Variants in KLF8 observed in about 807,000 individuals in gnomAD.
The protein encoded by KLF8 is KLF transcription factor 8, also known as Krueppel-like factor 8.
Under a neutral mutation model 18.2 loss-of-function variants are expected in KLF8, and 10 were observed. The ratio of observed to expected loss-of-function variants is 0.55; its 90% confidence interval spans 0.34 to 0.93. The LOEUF (loss-of-function observed/expected upper bound fraction) is 0.93, where lower values mean the gene tolerates loss of function less well. KLF8 is among the 40% of genes least tolerant of loss of function. KLF8 has a pLI of 0.02. For synonymous variants in KLF8, 109 were observed against 97.3 expected (o/e 1.12, Z -0.71); for missense variants, 264 against 277.9 (o/e 0.95, Z 0.36).
At chrX:56,247,915 TTTG>T (rs1438914561) in intron 1 of KLF8, among the ~76,000 whole-genome samples, 2 of 111,352 alleles carry the variant, frequency 1.8e-5, no homozygotes, top group African/African-American at 3.3e-5. Flanking sequence ...AACATAGTCA[TTTG>T]TTATCATTGT....
chrX:55,938,238 G>T, the KLF8 span, among the ~76,000 whole-genome samples: 8 of 111,742 alleles, frequency 7.2e-5, no homozygotes, highest in African/African-American at 2.6e-4. Flanking sequence ...TTAAAGAAAA[G>T]AATTTTCAAC....
chrX:56,171,107 T>C, the KLF8 span, among the ~76,000 whole-genome samples: 1 of 111,818 alleles, frequency 8.9e-6, no homozygotes, highest in Non-Finnish European at 1.9e-5. Context: ...AGTAAGTCTG[T>C]AGAAAAACAG....
the KLF8 span, among the ~76,000 whole-genome samples, chrX:56,214,324 C>G: frequency 8.9e-6 from 1 of 112,315 alleles, no homozygotes; most frequent in Admixed American, 9.4e-5. Context: ...AATTTCTCTG[C>G]CTCCTGTCCC....
chrX:56,044,198 C>T, the KLF8 span, among the ~76,000 whole-genome samples: 5 of 91,413 alleles, frequency 5.5e-5, no homozygotes, highest in African/African-American at 1.2e-4. Context: ...TTCATCCCAG[C>T]GGGGTACTGA....
At chrX:55,931,336 AT>A in the KLF8 span, among the ~76,000 whole-genome samples, 5 of 111,493 alleles carry the variant, frequency 4.5e-5, no homozygotes, top group East Asian at 2.8e-4. Flanking sequence ...GAATTCATTC[AT>A]TTTTTTGAAG....
At chrX:55,931,374 G>A in the KLF8 span, among the ~76,000 whole-genome samples, 1 of 111,059 alleles carries the variant, frequency 9.0e-6, no homozygotes, top group African/African-American at 3.3e-5. Flanking sequence ...ATCTCTTTCA[G>A]TTCTGCTCTG....
chrX:56,094,726 T>C, the KLF8 span, among the ~76,000 whole-genome samples: 1 of 111,454 alleles, frequency 9.0e-6, no homozygotes, highest in African/African-American at 3.3e-5. Flanking sequence ...TTAACAAATT[T>C]AAAACAGTAA....
the KLF8 span, among the ~76,000 whole-genome samples, chrX:56,013,114 C>A: frequency 8.9e-6 from 1 of 112,659 alleles, no homozygotes; most frequent in African/African-American, 3.2e-5. Context: ...GAAAGGATTC[C>A]TGCCCAAGGC....
chrX:56,056,335 G>T, the KLF8 span, among the ~76,000 whole-genome samples: 3 of 110,281 alleles, frequency 2.7e-5, no homozygotes, highest in Non-Finnish European at 5.7e-5. Flanking sequence ...GATTTTAGGG[G>T]AACAACACTC....
the KLF8 span, among the ~76,000 whole-genome samples, chrX:56,070,760 C>A: frequency 3.6e-5 from 4 of 112,316 alleles, no homozygotes; most frequent in Admixed American, 3.8e-4. Context: ...ACGTTCTGCA[C>A]ATGTATCTTG....
chrX:56,095,357 C>T, the KLF8 span, among the ~76,000 whole-genome samples: 4 of 112,492 alleles, frequency 3.6e-5, no homozygotes, highest in Non-Finnish European at 7.5e-5. Flanking sequence ...AGACTCAAAA[C>T]TATAAGAACA....
the KLF8 span, among the ~76,000 whole-genome samples, chrX:56,135,234 A>G: frequency 2.7e-5 from 3 of 111,629 alleles, no homozygotes; most frequent in Non-Finnish European, 1.9e-5. Flanking sequence ...TCATGCTGCT[A>G]TAAAGACACA....
At chrX:56,125,196 T>G in the KLF8 span, among the ~76,000 whole-genome samples, 2 of 111,984 alleles carry the variant, frequency 1.8e-5, no homozygotes, top group African/African-American at 6.5e-5. Flanking sequence ...TCTTTTTCTT[T>G]CACTCCTCCA....
At chrX:56,161,694 T>C in the KLF8 span, among the ~76,000 whole-genome samples, 2 of 111,664 alleles carry the variant, frequency 1.8e-5, no homozygotes, top group Admixed American at 1.9e-4. Flanking sequence ...GGTTTTTGAC[T>C]TCTTCACGCC....
chrX:56,191,439 G>A, the KLF8 span, among the ~76,000 whole-genome samples: 4 of 111,754 alleles, frequency 3.6e-5, no homozygotes, highest in Admixed American at 1.9e-4. Context: ...AGATGAGGGA[G>A]TACTTCCAAA....
At chrX:56,246,187 T>C (rs1602418851) in intron 1 of KLF8, among the ~76,000 whole-genome samples, 1 of 111,828 alleles carries the variant, frequency 8.9e-6, no homozygotes, top group East Asian at 2.8e-4. Flanking sequence ...AGAAGTATTT[T>C]TCAGGCTCCT....
the KLF8 span, among the ~76,000 whole-genome samples, chrX:56,092,919 A>G: frequency 2.7e-5 from 3 of 109,558 alleles, no homozygotes; most frequent in African/African-American, 9.9e-5. Context: ...AGATGAGCTC[A>G]TCGATGGACT....
the KLF8 span, among the ~76,000 whole-genome samples, chrX:56,115,584 A>G: frequency 9.8e-5 from 11 of 111,902 alleles, no homozygotes; most frequent in Non-Finnish European, 1.9e-4. Context: ...ACAGGTGTAG[A>G]ACAAGCAAGC....
intron 2 of KLF8, among the ~76,000 whole-genome samples, chrX:56,257,014 T>A (rs1452056008): frequency 8.9e-6 from 1 of 112,181 alleles, no homozygotes; most frequent in Non-Finnish European, 1.9e-5. Context: ...GAGCATATTT[T>A]TTAATTTCCC....
Sources: allele counts gnomAD v4.1 joint callset (sites outside exome capture counted in the v4.1 genomes callset), GRCh38; gene constraint gnomAD v4.1.1; transcripts MANE v1.5; gene names NCBI Gene and HGNC (gene_info 2026-07-23, HGNC 2026-07-21).